ROR1: variants seen among roughly 807,000 people sequenced by gnomAD.
ROR1 encodes the protein ROR family WNT receptor 1.
ROR1 carries 19 observed loss-of-function variants against 78.8 expected under a neutral mutation model. That is an observed-to-expected ratio of 0.24 (90% CI 0.17 to 0.35). The LOEUF (loss-of-function observed/expected upper bound fraction) is 0.35. Among genes scored for constraint, ROR1 ranks in the 10% least tolerant of loss-of-function variants. The pLI is 1.00. For missense variants in ROR1, 917 were observed against 1,177.8 expected (o/e 0.78, Z 3.24); for synonymous variants, 386 against 433.6 (o/e 0.89, Z 1.36).
intron 2 of ROR1, among the ~76,000 whole-genome samples, chr1:64,032,864 T>C (rs564311304): frequency 6.6e-6 from 1 of 152,318 alleles, no homozygotes; most frequent in South Asian, 2.1e-4. Flanking sequence ...AGAGACTTTT[T>C]TTAAAAAACA....
intron 1 of ROR1, among the ~76,000 whole-genome samples, chr1:64,006,146 A>G (rs1557605205): frequency 6.6e-6 from 1 of 152,264 alleles, no homozygotes; most frequent in Non-Finnish European, 1.5e-5. Flanking sequence ...CTATAAAATT[A>G]ACACTGTAAA....
chr1:64,059,667 C>A (rs1368484766), intron 4 of ROR1, among the ~76,000 whole-genome samples: 5 of 150,368 alleles, frequency 3.3e-5, no homozygotes, highest in East Asian at 3.9e-4. Context: ...CGAGATCATT[C>A]CACTACATTC....
intron 1 of ROR1, among the ~76,000 whole-genome samples, chr1:63,954,310 C>A (rs1251077205): frequency 6.6e-6 from 1 of 152,194 alleles, no homozygotes; most frequent in Non-Finnish European, 1.5e-5. Flanking sequence ...GAGGGCACAA[C>A]CTAGATACTG....
chr1:63,857,683 A>G (rs1203238710), intron 1 of ROR1, among the ~76,000 whole-genome samples: 1 of 152,238 alleles, frequency 6.6e-6, no homozygotes, highest in Non-Finnish European at 1.5e-5. Flanking sequence ...GACAATTGAC[A>G]GTGGATATGT....
intron 1 of ROR1, among the ~76,000 whole-genome samples, chr1:63,810,379 G>A (rs1369454875): frequency 6.6e-6 from 1 of 152,180 alleles, no homozygotes. Context: ...ATTACATAGC[G>A]GTAGAAGGCA....
In ROR1 at chr1:64,143,313, G is replaced by C. The variant is rs901722189; in HGVS notation, c.1174+663G>C. 6 of 950,720 alleles carry C rather than the reference G, an allele frequency of 6.3e-6. No homozygotes were observed. In the Admixed American group the frequency reaches 3.7e-4, roughly 59 times the overall value. The allele number at this position is 950,720 out of a possible 1,614,324, so 58.9% of individuals were successfully genotyped here. A position where few individuals can be genotyped will look rare whatever the true frequency, so the allele number is the denominator to read the frequency against. On this transcript the variant is annotated intron_variant, in intron 7 of 8. Coordinates refer to ENST00000371079, the MANE Select transcript of ROR1 (RefSeq NM_005012.4). Reference sequence around the variant, plus strand: ...AGGCAGGAGGATCATTTGAGCCCAGGGGTTCAAGACCAGCCCAGGCAACAT... The same window carrying C: ...AGGCAGGAGGATCATTTGAGCCCAGCGGTTCAAGACCAGCCCAGGCAACAT...
chr1:64,101,446 C>T (rs771184542), intron 4 of ROR1, among the ~76,000 whole-genome samples: 5 of 152,140 alleles, frequency 3.3e-5, no homozygotes, highest in Admixed American at 2.0e-4. Context: ...ACCCATCATG[C>T]GTGGTGGGTT....
At chr1:64,152,896 T>C (rs1473781886) in intron 7 of ROR1, among the ~76,000 whole-genome samples, 1 of 152,234 alleles carries the variant, frequency 6.6e-6, no homozygotes, top group East Asian at 1.9e-4. Context: ...AGGCAGATGA[T>C]GAATTACAAA....
At chr1:63,847,490 C>G (rs138641823) in intron 1 of ROR1, among the ~76,000 whole-genome samples, 1 of 152,088 alleles carries the variant, frequency 6.6e-6, no homozygotes, top group African/African-American at 2.4e-5. Flanking sequence ...CCCAGAGACT[C>G]CTGTGCTCTA....
At chr1:63,949,916 A>G (rs1645921210) in intron 1 of ROR1, among the ~76,000 whole-genome samples, 1 of 152,116 alleles carries the variant, frequency 6.6e-6, no homozygotes, top group East Asian at 1.9e-4. Flanking sequence ...ACATTCGTAA[A>G]CATACTTGTG....
At chr1:64,079,762 A>C (rs954348905) in intron 4 of ROR1, among the ~76,000 whole-genome samples, 38 of 152,114 alleles carry the variant, frequency 2.5e-4, no homozygotes, top group African/African-American at 9.2e-4. Context: ...GATTATAAGC[A>C]TGAGCCACCG....
chr1:64,166,668 A>C (rs1380528928), intron 8 of ROR1, among the ~76,000 whole-genome samples: 1 of 152,234 alleles, frequency 6.6e-6, no homozygotes, highest in East Asian at 1.9e-4. Context: ...CACAGCATTA[A>C]CTGGGGTGAG....
chr1:63,893,996 T>G (rs1179828403), intron 1 of ROR1, among the ~76,000 whole-genome samples: 1 of 152,188 alleles, frequency 6.6e-6, no homozygotes, highest in Non-Finnish European at 1.5e-5. Context: ...ATCTTTTACC[T>G]TATCACTTTA....
chr1:63,800,302 T>C (rs1225511850), intron 1 of ROR1, among the ~76,000 whole-genome samples: 2 of 152,238 alleles, frequency 1.3e-5, no homozygotes, highest in East Asian at 3.9e-4. Context: ...CACTTGTTTG[T>C]GAATTGATTA....
At chr1:63,854,196 G>A (rs1179540343) in intron 1 of ROR1, among the ~76,000 whole-genome samples, 4 of 152,078 alleles carry the variant, frequency 2.6e-5, no homozygotes, top group Non-Finnish European at 1.5e-5. Flanking sequence ...GAGGCTTTAT[G>A]TCATATAAAA....
At chr1:64,004,362 G>A (rs559057762) in intron 1 of ROR1, among the ~76,000 whole-genome samples, 1 of 152,316 alleles carries the variant, frequency 6.6e-6, no homozygotes, top group Non-Finnish European at 1.5e-5. Flanking sequence ...CTTGTCCTCT[G>A]GAACCCCAAA....
chr1:64,070,435 T>C (rs1381161645), intron 4 of ROR1, among the ~76,000 whole-genome samples: 1 of 152,114 alleles, frequency 6.6e-6, no homozygotes, highest in Non-Finnish European at 1.5e-5. Context: ...CTCAAGTAAT[T>C]GTCCCAAGTA....
At position 63,774,813 on chromosome 1, in the gene ROR1, C is replaced by T. The variant is rs1166242808; in HGVS notation, c.91+305C>T. Among the ~76,000 whole-genome samples, 1 of 151,982 alleles carries T rather than the reference C, an allele frequency of 6.6e-6. No homozygotes were observed. The highest frequency in any genetic ancestry group is 1.5e-5 in the Non-Finnish European group (1 of 67,974). On this transcript the variant is annotated intron_variant, in intron 1 of 8. Coordinates refer to ENST00000371079, the MANE Select transcript of ROR1 (RefSeq NM_005012.4). This position sits in a 1 kb window ranked among gnomAD's most constrained non-coding sequence, Gnocchi z 5.7. ...GGGGTTTGAGGGTCCTGGGGGTGAT[C>T]GGGGCACTTCTGTGCAGGGCGTCCC...
chr1:64,019,701 A>G (rs960642484), intron 2 of ROR1, among the ~76,000 whole-genome samples: 2 of 152,166 alleles, frequency 1.3e-5, no homozygotes, highest in African/African-American at 4.8e-5. Flanking sequence ...GGATTGTCAC[A>G]TTTAATCCTC....
Sources: allele counts gnomAD v4.1 joint callset (sites outside exome capture counted in the v4.1 genomes callset), GRCh38; gene constraint gnomAD v4.1.1; non-coding constraint Gnocchi (gnomAD v3.1); transcripts MANE v1.5; gene names NCBI Gene and HGNC (gene_info 2026-07-23, HGNC 2026-07-21).